CTPS1: variants seen among roughly 807,000 people sequenced by gnomAD.
The protein encoded by CTPS1 is CTP synthase 1.
In CTPS1, 25 loss-of-function variants were observed where a neutral mutation model predicts 80.5. The observed-to-expected ratio is 0.31, with a 90% CI of 0.23 to 0.43. CTPS1 has a LOEUF of 0.43. Ranked by LOEUF, CTPS1 falls within the 20% of genes least tolerant of loss-of-function variation. The pLI is 1.00. For synonymous variants in CTPS1, 267 were observed against 252.5 expected (o/e 1.06, Z -0.54); for missense variants, 442 against 725.7 (o/e 0.61, Z 4.49).
chr1:40,992,046 C>T (rs534397848), intron 7 of CTPS1, among the ~76,000 whole-genome samples: 2 of 152,266 alleles, frequency 1.3e-5, no homozygotes, highest in Non-Finnish European at 2.9e-5. Flanking sequence ...CTCCGTGCCT[C>T]GTTGTACTTT....
intron 5 of CTPS1, among the ~76,000 whole-genome samples, chr1:40,990,128 A>G (rs539102069): frequency 6.6e-6 from 1 of 152,290 alleles, no homozygotes; most frequent in African/African-American, 2.4e-5. Flanking sequence ...CTGCTTGTTT[A>G]TGTGCTGTCT....
chr1:40,996,294 C>A (rs1318971242), intron 8 of CTPS1, among the ~76,000 whole-genome samples: 3 of 152,192 alleles, frequency 2.0e-5, no homozygotes, highest in Non-Finnish European at 4.4e-5. Context: ...GGCCTCCAGA[C>A]AATGAGTTCG....
chr1:40,980,162 C>T (rs1388406807), intron 1 of CTPS1: 1 of 150,122 alleles, frequency 6.7e-6, no homozygotes, highest in Admixed American at 6.6e-5. Context: ...CGGCCGGGCT[C>T]GTCGGACGGA....
rs1291158094 is a variant in CTPS1, at chr1:40,979,808, G to A, written c.-35G>A. On this transcript the variant is annotated 5_prime_UTR_variant, in exon 1 of 19. Transcript: ENST00000650070. ...GCCGGCCCAGCTCTGTCGCTGACGGGAGGATCTGAAGCCGGCCGCAGGTAG... is the reference window on the plus strand; with the variant it reads ...GCCGGCCCAGCTCTGTCGCTGACGGAAGGATCTGAAGCCGGCCGCAGGTAG... 1 of 152,268 alleles carries A rather than the reference G, an allele frequency of 6.6e-6. No individual in the cohort carries two copies. Among genetic ancestry groups the A allele is most frequent in the East Asian group, 1.9e-4 (1 of 5,184 alleles). The allele number at this position is 152,268 out of a possible 1,614,324, so 9.4% of individuals were successfully genotyped here.
chr1:40,982,672 G>A (rs989067199), intron 1 of CTPS1, among the ~76,000 whole-genome samples: 1 of 152,224 alleles, frequency 6.6e-6, no homozygotes, highest in Non-Finnish European at 1.5e-5. Context: ...TTACAGGCAT[G>A]AGCCACCATG....
At chr1:41,004,989 T>A (rs960634899) in intron 12 of CTPS1, among the ~76,000 whole-genome samples, 2 of 148,252 alleles carry the variant, frequency 1.3e-5, no homozygotes, top group Non-Finnish European at 3.0e-5. Flanking sequence ...AATAACCAGG[T>A]GTGGTGGTGT....
At position 41,007,675 on chromosome 1, in the gene CTPS1, T is replaced by A. The variant is rs573262742; in HGVS notation, c.1393+130T>A. The A allele has an allele frequency of 8.5e-5, 59 of 694,836 alleles. No homozygotes were observed. The African/African-American group carries it at 9.1e-4, about 11-fold the overall frequency. 43.0% of individuals were successfully genotyped at this position (694,836 alleles called of 1,614,324 possible). On this transcript the variant is annotated intron_variant, in intron 14 of 18. Transcript: ENST00000650070. This position sits in a 1 kb window ranked among gnomAD's most constrained non-coding sequence, Gnocchi z 4.4. Reference sequence around the variant, plus strand: ...TCGTTCTTGCTTTTGAAGTTCATTCTTTCCTCTCTTATTCATACCCTTTTA... The same window carrying A: ...TCGTTCTTGCTTTTGAAGTTCATTCATTCCTCTCTTATTCATACCCTTTTA...
intron 7 of CTPS1, among the ~76,000 whole-genome samples, chr1:40,993,546 C>A (rs1301955147): frequency 6.6e-6 from 1 of 152,106 alleles, no homozygotes; most frequent in Non-Finnish European, 1.5e-5. Flanking sequence ...TATGGTTGCC[C>A]AGGCTGGTCT....
chr1:40,984,440 G>A (rs1479760358), intron 2 of CTPS1, among the ~76,000 whole-genome samples: 6 of 152,158 alleles, frequency 3.9e-5, no homozygotes, highest in African/African-American at 1.4e-4. Flanking sequence ...ATCAAATATT[G>A]TTATCATACT....
At chr1:41,011,505 A>G (rs1643172051) in intron 18 of CTPS1, among the ~76,000 whole-genome samples, 153 bp from the exon 19 acceptor site, 1 of 152,230 alleles carries the variant, frequency 6.6e-6, no homozygotes, top group South Asian at 2.1e-4. Context: ...TGTAGGAATT[A>G]TAAATTTAGC....
At chr1:40,998,423 C>T (rs1443609510) in intron 9 of CTPS1, among the ~76,000 whole-genome samples, 3 of 106,918 alleles carry the variant, frequency 2.8e-5, no homozygotes. Context: ...AAAAAAAAAA[C>T]ATGGATGCCT....
At chr1:41,011,257 A>G (rs887518378) in intron 18 of CTPS1, among the ~76,000 whole-genome samples, 3 of 152,256 alleles carry the variant, frequency 2.0e-5, no homozygotes, top group African/African-American at 7.2e-5. Context: ...GGATGGACTC[A>G]TTAATCCCCT....
chr1:41,004,821 G>T (rs1351645940), intron 12 of CTPS1, among the ~76,000 whole-genome samples: 1 of 152,132 alleles, frequency 6.6e-6, no homozygotes, highest in Non-Finnish European at 1.5e-5. Flanking sequence ...ACAAGAGTCT[G>T]AAACATTAAG....
chr1:40,985,023 G>A (rs1570940565), intron 3 of CTPS1, 32 bp downstream of exon 3: 5 of 1,457,154 alleles, frequency 3.4e-6, no homozygotes, highest in Non-Finnish European at 4.6e-6. Context: ...AAGCTTAAAA[G>A]TCTTAACCAG....
chr1:41,000,726 T>C (rs1385269451), intron 9 of CTPS1: 1 of 164,004 alleles, frequency 6.1e-6, no homozygotes, highest in Non-Finnish European at 1.3e-5. Context: ...GAAAGCCCTC[T>C]AGAGTCTGCT....
intron 4 of CTPS1, among the ~76,000 whole-genome samples, 198 bp downstream of exon 4, chr1:40,987,670 CT>C (rs1160641898): frequency 1.3e-5 from 2 of 152,166 alleles, no homozygotes; most frequent in Non-Finnish European, 2.9e-5. Flanking sequence ...CCCAGTGTTC[CT>C]TTTTTGTAGC....
Position 40,989,580 on chromosome 1 carries a change from G to A in CTPS1, c.555+870G>A, listed in dbSNP as rs1264747104. On this transcript the variant is annotated intron_variant, in intron 5 of 18. Transcript: ENST00000650070. Reference sequence around the variant, plus strand: ...CTACACACTCACACATAACTTATAGGTAGCATTTAAGCAGGCCTCCATACA... The same window carrying A: ...CTACACACTCACACATAACTTATAGATAGCATTTAAGCAGGCCTCCATACA... Among the ~76,000 whole-genome samples the A allele has an allele frequency of 3.3e-5, 5 of 152,202 alleles. No homozygotes were observed. In the East Asian group the frequency reaches 9.7e-4, roughly 29 times the overall value.
rs1642949308 is a variant in CTPS1 at position 41,003,168 on chromosome 1, G to A, written c.1244G>A (p.Gly415Glu). 1.2e-6 allele frequency: 2 copies of A among 1,614,094 alleles called. No homozygotes were observed. The highest frequency in any genetic ancestry group is 1.7e-5 in the Admixed American group (1 of 60,012). ...AVVEFSRNVLGWQDANSTEFD... is the reference protein window; with the variant it reads ...AVVEFSRNVLEWQDANSTEFD... ...GTTGAATTCTCAAGAAACGTGCTGG[G>A]ATGGCAAGGTAAGCGTGCATTAAGA... The change falls in exon 12 of 19, where the codon GGA (glycine) becomes GAA (glutamate). Residue 415 changes from glycine (G) to glutamate (E), a missense_variant. This residue lies in a region of CTPS1 where 321 missense variants were observed against 467.2 expected (regional missense o/e 0.69). Transcript: ENST00000650070.
At chr1:40,987,961 G>A (rs1031000346) in intron 4 of CTPS1, among the ~76,000 whole-genome samples, 1 of 152,046 alleles carries the variant, frequency 6.6e-6, no homozygotes, top group Admixed American at 6.6e-5. Flanking sequence ...CACCCAGGCT[G>A]GAGTCCAGTG....
Sources: allele counts gnomAD v4.1 joint callset (sites outside exome capture counted in the v4.1 genomes callset), GRCh38; gene constraint gnomAD v4.1.1; regional missense constraint gnomAD v4.1.1; non-coding constraint Gnocchi (gnomAD v3.1); transcripts MANE v1.5; gene names NCBI Gene and HGNC (gene_info 2026-07-23, HGNC 2026-07-21).